Variants in TTI1 observed in about 807,000 individuals in gnomAD.
TTI1 encodes TELO2 interacting protein 1, also known as TELO2-interacting protein 1 homolog.
TTI1 carries 52 observed loss-of-function variants against 85.4 expected under a neutral mutation model. The observed-to-expected ratio is 0.61, with a 90% confidence interval of 0.49 to 0.77. The LOEUF (loss-of-function observed/expected upper bound fraction) is 0.77. Among genes scored for constraint, TTI1 ranks in the 30% least tolerant of loss-of-function variants. The pLI is 0.00. For synonymous variants in TTI1, 512 were observed against 503.9 expected (o/e 1.02, Z -0.22); for missense variants, 1,173 against 1,296.0 (o/e 0.91, Z 1.46).
Position 38,012,728 on chromosome 20 carries a change from T to C in TTI1, c.1089A>G (p.Val363=). ...CAGCGAGGGCTTTGTTGCCCACCAC[T>C]ACTTTTTGATCTGCAAAATGTCTCA... ...KVLRHFADQK[V]VVGNKALADI... is the part of the protein sequence containing the mutation. Residue 363 remains valine (V), a synonymous_variant, in exon 2 of 8, where the codon GTA becomes GTG. Transcript: ENST00000373447. 1.9e-6 allele frequency: 3 copies of C among 1,614,198 alleles called. No homozygotes were observed. Among genetic ancestry groups the C allele is most frequent in the Non-Finnish European group, 2.5e-6 (3 of 1,180,008 alleles).
In TTI1 at chr20:38,020,323, A is replaced by AAAAAAATAT; in HGVS notation, c.-41-6467_-41-6466insATATTTTTT. ...GGCTACTCATATGAAAAAAAAAAAA[A>AAAAAAATAT]ATATATATATATATATATATATATA... is the stretch of plus-strand genomic sequence containing the variant. On this transcript the variant is annotated intron_variant, in intron 1 of 7. Coordinates refer to ENST00000373447, the MANE Select transcript of TTI1 (RefSeq NM_001303457.2). 9.6e-3 allele frequency among the ~76,000 whole-genome samples: 485 copies of AAAAAAATAT among 50,284 alleles called. 5 individuals are homozygous for AAAAAAATAT. Among genetic ancestry groups the AAAAAAATAT allele is most frequent in the Middle Eastern group, 0.013 (1 of 78 alleles). The allele number at this position is 50,284 out of a possible 152,430, so 33.0% of individuals were successfully genotyped here.
intron 1 of TTI1, among the ~76,000 whole-genome samples, chr20:38,025,841 G>C (rs751914841): frequency 6.6e-6 from 1 of 152,012 alleles, no homozygotes; most frequent in Admixed American, 6.6e-5. Flanking sequence ...GCAGAATGGA[G>C]GGAAGAAAAA....
intron 1 of TTI1, among the ~76,000 whole-genome samples, chr20:38,030,562 C>CACACACACACACA (rs11474348): frequency 2.7e-5 from 4 of 150,854 alleles, no homozygotes; most frequent in African/African-American, 9.8e-5. Context: ...CACACACACA[C>CACACACACACACA]CATGATAAAG....
chr20:37,997,812 AT>A (rs1359653016), intron 5 of TTI1, among the ~76,000 whole-genome samples: 1 of 151,394 alleles, frequency 6.6e-6, no homozygotes, highest in African/African-American at 2.4e-5. Context: ...ACACATCTTT[AT>A]TTTTTTTCAT....
intron 3 of TTI1, 95 bp downstream of exon 3, chr20:38,006,097 ACTTTT>A: frequency 7.3e-7 from 1 of 1,364,048 alleles, no homozygotes; most frequent in African/African-American, 1.4e-5. Context: ...GTTATGAGTA[ACTTTT>A]CTTATTTCTA....
intron 1 of TTI1, among the ~76,000 whole-genome samples, chr20:38,024,824 T>C (rs1322649154): frequency 6.6e-6 from 1 of 152,090 alleles, no homozygotes; most frequent in Non-Finnish European, 1.5e-5. Context: ...CCAGTGTCAG[T>C]GGAGACCACA....
At chr20:37,997,053 G>A (rs775305210) in intron 5 of TTI1, 100 bp from the exon 6 acceptor site, 166 of 1,296,908 alleles carry the variant, frequency 1.3e-4, no homozygotes, top group Non-Finnish European at 1.6e-4. Context: ...CTCTGCTTGG[G>A]GGAAAAAAAA....
At chr20:37,999,785 A>C (rs2073394706) in intron 4 of TTI1, among the ~76,000 whole-genome samples, 1 of 152,236 alleles carries the variant, frequency 6.6e-6, no homozygotes, top group African/African-American at 2.4e-5. Context: ...CAGAGCTTTC[A>C]TAAGAAGTGA....
chr20:38,012,299 A>G lies in TTI1; in HGVS notation c.1518T>C (p.Asp506=), dbSNP rs1422799009. ...ATTGATGGTAAAGTTCCATAAAGTG[A>G]TCCACAAGCAAATAAAGATTCCCAT... is the stretch of plus-strand genomic sequence containing the variant. The part of the protein sequence containing the change: ...GYYGNLYLLV[D]HFMELYHQSV... Residue 506 remains aspartate (D), a synonymous_variant, in exon 2 of 8, where the codon GAT becomes GAC. Coordinates refer to ENST00000373447, the MANE Select transcript of TTI1 (RefSeq NM_001303457.2). 6.2e-7 allele frequency: 1 copy of G among 1,614,190 alleles called. No individual in the cohort carries two copies. Among genetic ancestry groups the G allele is most frequent in the Admixed American group, 1.7e-5 (1 of 60,018 alleles).
chr20:37,997,343 A>G (rs1278485460), intron 5 of TTI1, among the ~76,000 whole-genome samples: 2 of 152,128 alleles, frequency 1.3e-5, no homozygotes, highest in Non-Finnish European at 1.5e-5. Context: ...GTATGCTTTA[A>G]ACTCTAGCTA....
intron 1 of TTI1, among the ~76,000 whole-genome samples, chr20:38,024,871 T>C (rs1452490020): frequency 6.6e-6 from 1 of 152,122 alleles, no homozygotes; most frequent in Non-Finnish European, 1.5e-5. Context: ...TTGGCAGTAA[T>C]GAGGTAGCAT....
rs184109678 is a variant in TTI1 at position 38,031,271 on chromosome 20, T to C, written c.-42+2133A>G. On this transcript the variant is annotated intron_variant, in intron 1 of 7. Transcript: ENST00000373447. ...AGAGTAACATCTAAAGTCTATACTA[T>C]TGCCTACAAGTCACCATGTGATGCA... is the stretch of plus-strand genomic sequence containing the variant. Among the ~76,000 whole-genome samples the C allele has an allele frequency of 3.3e-5, 5 of 152,380 alleles. No homozygotes were observed. In the East Asian group the frequency reaches 7.7e-4, roughly 23 times the overall value.
chr20:38,024,501 T>C (rs189488113), intron 1 of TTI1, among the ~76,000 whole-genome samples: 1 of 152,216 alleles, frequency 6.6e-6, no homozygotes, highest in East Asian at 1.9e-4. Flanking sequence ...ACCCAAGCCC[T>C]GGAGCTGAAG....
At chr20:37,997,251 T>TA (rs200125660) in intron 5 of TTI1, among the ~76,000 whole-genome samples, 21,084 of 143,208 alleles carry the variant, frequency 0.15, 1,693 homozygotes, top group South Asian at 0.29. Flanking sequence ...CCATTTTTGT[T>TA]AAAAAAAAAA....
intron 5 of TTI1, 63 bp downstream of exon 5, chr20:37,999,125 G>T: frequency 7.6e-7 from 1 of 1,316,486 alleles, no homozygotes; most frequent in Non-Finnish European, 9.8e-7. Context: ...AAAAGGCCCC[G>T]GTGAGCTCTG....
intron 1 of TTI1, among the ~76,000 whole-genome samples, chr20:38,030,508 G>C (rs1159930102): frequency 6.9e-6 from 1 of 144,112 alleles, no homozygotes; most frequent in Non-Finnish European, 1.5e-5. Context: ...GAAAATATTA[G>C]GAAATTCAGC....
intron 7 of TTI1, among the ~76,000 whole-genome samples, chr20:37,986,698 A>G (rs1476321649): frequency 6.6e-6 from 1 of 152,244 alleles, no homozygotes; most frequent in Admixed American, 6.5e-5. Context: ...GAGGAGGTGC[A>G]GGACAACACT....
chr20:37,996,670 C>T (rs1027516110), intron 6 of TTI1, 79 bp downstream of exon 6: 200 of 1,515,708 alleles, frequency 1.3e-4, no homozygotes, highest in Admixed American at 8.8e-4. Context: ...GAGGGGGGCA[C>T]GACTGAGCAG....
At chr20:38,021,828 T>C (rs2073775600) in intron 1 of TTI1, among the ~76,000 whole-genome samples, 1 of 152,068 alleles carries the variant, frequency 6.6e-6, no homozygotes, top group South Asian at 2.1e-4. Flanking sequence ...TGGGCCATGG[T>C]GTAAAGGTGG....
Sources: gnomAD v4.1 joint callset for allele counts (sites outside exome capture counted in the v4.1 genomes callset) on GRCh38, gnomAD v4.1.1 for gene constraint, MANE v1.5 for transcripts, NCBI Gene and HGNC (gene_info 2026-07-23, HGNC 2026-07-21) for gene names.